The following CTNNA3 variants were observed in gnomAD, a reference collection of about 807,000 sequenced individuals.
CTNNA3 encodes catenin alpha 3.
In CTNNA3, 76 loss-of-function variants were observed where a neutral mutation model predicts 95.7. That is an observed-to-expected ratio of 0.79 (90% confidence interval 0.66 to 0.96). CTNNA3 has a LOEUF of 0.96. Ranked by LOEUF, CTNNA3 falls within the 40% of genes least tolerant of loss-of-function variation. The pLI is 0.00. For missense variants in CTNNA3, 1,191 were observed against 1,089.8 expected (o/e 1.09, Z -1.31); for synonymous variants, 431 against 374.4 (o/e 1.15, Z -1.74).
chr10:66,310,738 G>A (rs2092007728), intron 12 of CTNNA3, among the ~76,000 whole-genome samples: 1 of 146,922 alleles, frequency 6.8e-6, no homozygotes, highest in Admixed American at 6.9e-5. Context: ...CCAGGCTGGA[G>A]TGCAGTGGTG....
chr10:66,513,648 G>A (rs72793626), intron 11 of CTNNA3, among the ~76,000 whole-genome samples: 28,034 of 152,128 alleles, frequency 0.18, 2,856 homozygotes, highest in African/African-American at 0.27. Context: ...TAAGTGGCAC[G>A]TTTGGGGATC....
At chr10:67,442,329 TAAC>T (rs1182973646) in intron 5 of CTNNA3, among the ~76,000 whole-genome samples, 1 of 151,052 alleles carries the variant, frequency 6.6e-6, no homozygotes, top group Non-Finnish European at 1.5e-5. Flanking sequence ...AGAAAACAAA[TAAC>T]AAAATAACAA....
At chr10:66,082,465 A>G (rs924125744) in intron 14 of CTNNA3, among the ~76,000 whole-genome samples, 3 of 152,180 alleles carry the variant, frequency 2.0e-5, no homozygotes, top group African/African-American at 7.2e-5. Context: ...AGGAAATACC[A>G]TACTCTAGAG....
intron 11 of CTNNA3, among the ~76,000 whole-genome samples, chr10:66,502,872 A>G (rs879447819): frequency 6.6e-6 from 1 of 152,196 alleles, no homozygotes; most frequent in African/African-American, 2.4e-5. Context: ...AGATTGTAAC[A>G]ATTTACATTC....
rs540747283 is a variant in CTNNA3 at position 67,568,759 on chromosome 10, G to A, written c.293-29090C>T. Among the ~76,000 whole-genome samples the A allele has an allele frequency of 2.0e-3, 307 of 152,106 alleles. 3 individuals are homozygous for A. The South Asian group carries it at 0.025, about 12-fold the overall frequency. On this transcript the variant is annotated intron_variant, in intron 3 of 17. Transcript: ENST00000433211. Reference sequence around the variant, plus strand: ...AGTAACGGGTCAGCTCCATCTACTTGTTCAACAATGTTGCAGTTAGGACTT... The same window carrying A: ...AGTAACGGGTCAGCTCCATCTACTTATTCAACAATGTTGCAGTTAGGACTT...
chr10:67,452,185 T>A (rs1847015314), intron 5 of CTNNA3, among the ~76,000 whole-genome samples: 1 of 152,114 alleles, frequency 6.6e-6, no homozygotes, highest in African/African-American at 2.4e-5. Context: ...GCGTTGTTAA[T>A]TTACTAGGCA....
At chr10:67,611,693 A>AT (rs1196448794) in intron 2 of CTNNA3, among the ~76,000 whole-genome samples, 2 of 151,882 alleles carry the variant, frequency 1.3e-5, no homozygotes, top group African/African-American at 4.8e-5. Context: ...TATAGTTCTG[A>AT]TTTTTTTTAA....
At chr10:66,583,692 A>G (rs1021232682) in intron 10 of CTNNA3, among the ~76,000 whole-genome samples, 2 of 150,648 alleles carry the variant, frequency 1.3e-5, no homozygotes, top group African/African-American at 2.4e-5. Flanking sequence ...CTCTGCTCTG[A>G]TCTTTATTAT....
chr10:66,004,435 G>C (rs989647624), intron 15 of CTNNA3, among the ~76,000 whole-genome samples: 4 of 152,008 alleles, frequency 2.6e-5, no homozygotes, highest in South Asian at 2.1e-4. Context: ...TAGATCTAAG[G>C]GGGGGAATTA....
chr10:67,640,611 A>G (rs1390462384), intron 2 of CTNNA3, among the ~76,000 whole-genome samples: 1 of 152,186 alleles, frequency 6.6e-6, no homozygotes, highest in Non-Finnish European at 1.5e-5. Context: ...ACTATACTAC[A>G]AGACTACAGT....
rs955100530 is a variant in CTNNA3 at position 67,639,573 on chromosome 10, A to G, written c.99+7842T>C. Reference sequence around the variant, plus strand: ...AACAAACAAAGAGAATTTTAGACCAATATCTCTCATGAACATCGATGCAAA... The same window carrying G: ...AACAAACAAAGAGAATTTTAGACCAGTATCTCTCATGAACATCGATGCAAA... On this transcript the variant is annotated intron_variant, in intron 2 of 17. Transcript: ENST00000433211. Among the ~76,000 whole-genome samples, 3 of 152,110 alleles carry G rather than the reference A, an allele frequency of 2.0e-5. No individual in the cohort carries two copies. In the East Asian group the frequency reaches 5.8e-4, roughly 29 times the overall value.
In CTNNA3 at chr10:66,360,690, C is replaced by T. The variant is rs1260541985; in HGVS notation, c.1732+18462G>A. ...TCCTTCCTTCCTTCCTTCCTTCCTT[C>T]CTTTTCTTTCTTTCTTTCCTCCTTC... On this transcript the variant is annotated intron_variant, in intron 12 of 17. Transcript: ENST00000433211. Among the ~76,000 whole-genome samples, 29 of 43,440 alleles carry T rather than the reference C, an allele frequency of 6.7e-4. 2 individuals are homozygous for T. The highest frequency in any genetic ancestry group is 0.014 in the Middle Eastern group (1 of 70). 28.5% of individuals were successfully genotyped at this position (43,440 alleles called of 152,430 possible). A position where few individuals can be genotyped will look rare whatever the true frequency, so the allele number is the denominator to read the frequency against.
chr10:67,430,561 G>A (rs568943947), intron 5 of CTNNA3, among the ~76,000 whole-genome samples: 1 of 151,842 alleles, frequency 6.6e-6, no homozygotes, highest in South Asian at 2.1e-4. Flanking sequence ...CTAATACAAG[G>A]GAGATGGAAG....
chr10:66,848,269 G>A (rs1843352508), intron 7 of CTNNA3, among the ~76,000 whole-genome samples: 1 of 152,122 alleles, frequency 6.6e-6, no homozygotes, highest in Non-Finnish European at 1.5e-5. Flanking sequence ...AATTTAATGA[G>A]CCAAAAACCT....
chr10:66,576,069 G>A (rs1041422061), intron 10 of CTNNA3, among the ~76,000 whole-genome samples: 55 of 152,180 alleles, frequency 3.6e-4, no homozygotes, highest in African/African-American at 1.3e-3. Flanking sequence ...GGAGGAAACC[G>A]AGCACAAAGC....
intron 5 of CTNNA3, among the ~76,000 whole-genome samples, chr10:67,423,770 A>C (rs977438093): frequency 6.6e-6 from 1 of 152,160 alleles, no homozygotes; most frequent in African/African-American, 2.4e-5. Context: ...GGCCCCACCT[A>C]TACAGGCAGT....
chr10:66,877,992 T>C (rs1416183928), intron 7 of CTNNA3, among the ~76,000 whole-genome samples: 1 of 152,158 alleles, frequency 6.6e-6, no homozygotes, highest in African/African-American at 2.4e-5. Context: ...AATGATTTGT[T>C]TCTATGGTGG....
chr10:66,781,855 C>T (rs1840548471), intron 7 of CTNNA3, among the ~76,000 whole-genome samples: 2 of 152,112 alleles, frequency 1.3e-5, no homozygotes, highest in Non-Finnish European at 2.9e-5. Flanking sequence ...ACTCTACACA[C>T]ATTTGTATGT....
intron 5 of CTNNA3, among the ~76,000 whole-genome samples, chr10:67,294,282 T>C (rs1239053721): frequency 6.6e-6 from 1 of 152,108 alleles, no homozygotes; most frequent in Non-Finnish European, 1.5e-5. Flanking sequence ...CTCGAGTAAA[T>C]ATACCAATAG....
Sources: allele counts gnomAD v4.1 joint callset (sites outside exome capture counted in the v4.1 genomes callset), GRCh38; gene constraint gnomAD v4.1.1; transcripts MANE v1.5; gene names NCBI Gene and HGNC (gene_info 2026-07-23, HGNC 2026-07-21).